The following WDFY1 variants were observed in gnomAD, a reference collection of about 807,000 sequenced individuals.
WDFY1 encodes WD repeat and FYVE domain containing 1, also known as WD repeat and FYVE domain-containing protein 1.
WDFY1 carries 32 observed loss-of-function variants against 56.4 expected under a neutral mutation model. The observed-to-expected ratio is 0.57, with a 90% CI of 0.43 to 0.76. The LOEUF is 0.76. WDFY1 is among the 30% of genes least tolerant of loss of function. The pLI, the probability that WDFY1 is intolerant of heterozygous loss-of-function variation, is 0.00. For synonymous variants in WDFY1, 192 were observed against 197.3 expected, an observed-to-expected ratio of 0.97 and a Z score of 0.23; for missense variants, 480 against 545.7, an observed-to-expected ratio of 0.88 and a Z score of 1.20.
At chr2:223,899,764 A>G (rs1215225731) in intron 5 of WDFY1, among the ~76,000 whole-genome samples, 1 of 152,184 alleles carries the variant, frequency 6.6e-6, no homozygotes, top group East Asian at 1.9e-4. Flanking sequence ...AAGAAAAAAA[A>G]AGGAAAGAAA....
At chr2:223,904,977 T>C (rs932858499) in intron 4 of WDFY1, among the ~76,000 whole-genome samples, 8 of 152,260 alleles carry the variant, frequency 5.3e-5, no homozygotes, top group South Asian at 2.1e-4. Context: ...AGCTTTGTAG[T>C]GAAAAGTGCT....
intron 1 of WDFY1, among the ~76,000 whole-genome samples, chr2:223,923,491 A>G (rs1389970172): frequency 6.6e-6 from 1 of 152,154 alleles, no homozygotes; most frequent in East Asian, 1.9e-4. Context: ...GTCTAGGATA[A>G]TATTAATAAA....
At chr2:223,928,636 T>G (rs538366730) in intron 1 of WDFY1, among the ~76,000 whole-genome samples, 3 of 152,158 alleles carry the variant, frequency 2.0e-5, no homozygotes, top group African/African-American at 7.2e-5. Flanking sequence ...TCCCTAAGAG[T>G]CTATCCTTTA....
intron 8 of WDFY1, among the ~76,000 whole-genome samples, chr2:223,889,508 TAGTG>T (rs1693230984): frequency 1.3e-5 from 2 of 152,290 alleles, no homozygotes; most frequent in African/African-American, 2.4e-5. Context: ...ATTCTCCTGG[TAGTG>T]AGTAAGTCTC....
At chr2:223,928,816 C>T (rs1191826519) in intron 1 of WDFY1, among the ~76,000 whole-genome samples, 1 of 152,208 alleles carries the variant, frequency 6.6e-6, no homozygotes, top group East Asian at 1.9e-4. Flanking sequence ...GAACTTGTGC[C>T]TTGGGTCAGG....
At chr2:223,887,865 C>T (rs934503445) in intron 8 of WDFY1, among the ~76,000 whole-genome samples, 1 of 152,124 alleles carries the variant, frequency 6.6e-6, no homozygotes, top group Non-Finnish European at 1.5e-5. Flanking sequence ...GTTTGATCCA[C>T]AAATTTTTAA....
intron 1 of WDFY1, among the ~76,000 whole-genome samples, chr2:223,921,820 T>A (rs1693890409): frequency 6.6e-6 from 1 of 152,086 alleles, no homozygotes; most frequent in South Asian, 2.1e-4. Context: ...AAACGATAAT[T>A]CCCATATATC....
chr2:223,939,330 G>A (rs1273016895), intron 1 of WDFY1, among the ~76,000 whole-genome samples: 2 of 152,088 alleles, frequency 1.3e-5, no homozygotes, highest in East Asian at 3.9e-4. Flanking sequence ...CCGGACTGGG[G>A]TTTCTCAATA....
intron 9 of WDFY1, among the ~76,000 whole-genome samples, chr2:223,884,149 A>C (rs1693130153): frequency 6.6e-6 from 1 of 152,156 alleles, no homozygotes; most frequent in South Asian, 2.1e-4. Flanking sequence ...AAAAATTTAA[A>C]AAACAGTACT....
intron 1 of WDFY1, among the ~76,000 whole-genome samples, chr2:223,929,731 G>A (rs563711457): frequency 1.1e-4 from 17 of 152,184 alleles, no homozygotes; most frequent in East Asian, 9.6e-4. Flanking sequence ...GATGACAGGC[G>A]CTTCTGCCTT....
Position 223,920,635 on chromosome 2 carries a change from A to C in WDFY1, c.138-2625T>G, listed in dbSNP as rs145573502. Among the ~76,000 whole-genome samples the C allele has an allele frequency of 2.8e-3, 422 of 152,296 alleles. 3 individuals are homozygous for C. The highest frequency in any genetic ancestry group is 9.8e-3 in the African/African-American group (409 of 41,572). On this transcript the variant is annotated intron_variant, in intron 1 of 11. Coordinates refer to ENST00000233055, the MANE Select transcript of WDFY1 (RefSeq NM_020830.5). Reference sequence around the variant, plus strand: ...GTGTGTGAACACGCCGGCTGTGGGAAACCTTGCAGGAAACCTTGCAATAAA... The same window carrying C: ...GTGTGTGAACACGCCGGCTGTGGGACACCTTGCAGGAAACCTTGCAATAAA...
intron 8 of WDFY1, among the ~76,000 whole-genome samples, chr2:223,894,001 C>A (rs1441213193): frequency 6.6e-6 from 1 of 152,200 alleles, no homozygotes; most frequent in African/African-American, 2.4e-5. Context: ...TGAGAACCAG[C>A]CTAAACGCTG....
At chr2:223,896,168 A>AAAAAAAAAAC (rs1693370449) in intron 6 of WDFY1, among the ~76,000 whole-genome samples, 1 of 146,280 alleles carries the variant, frequency 6.8e-6, no homozygotes, top group Admixed American at 6.7e-5. Context: ...AAAAAAAAAA[A>AAAAAAAAAAC]AAAAAAAAAA....
At chr2:223,905,798 A>G (rs1693589385) in intron 4 of WDFY1, 149 bp downstream of exon 4, 2 of 491,734 alleles carry the variant, frequency 4.1e-6, no homozygotes, top group African/African-American at 2.0e-5. Context: ...AAAAGCTGAA[A>G]TATCACTAAA....
intron 3 of WDFY1, among the ~76,000 whole-genome samples, chr2:223,908,572 T>G (rs1034071355): frequency 2.0e-5 from 3 of 152,192 alleles, no homozygotes; most frequent in Admixed American, 2.0e-4. Flanking sequence ...CTCCCAGTCC[T>G]CTGGCTTTTC....
chr2:223,898,999 T>G lies in WDFY1; in HGVS notation c.557A>C (p.Gln186Pro), dbSNP rs1693451776. 1 of 1,614,046 alleles carries G rather than the reference T, an allele frequency of 6.2e-7. No individual in the cohort carries two copies. Among genetic ancestry groups the G allele is most frequent in the Admixed American group, 1.7e-5 (1 of 60,008 alleles). ...SGQITLLKLE[Q>P]NTCSVITTLK... ...GGTTGTGATGACTGAACACGTGTTCTGTTCAAGCTTCAGCAGGGTGATCTG... is the reference window on the plus strand; with the variant it reads ...GGTTGTGATGACTGAACACGTGTTCGGTTCAAGCTTCAGCAGGGTGATCTG... The change falls in exon 6 of 12, where the codon CAG becomes CCG. Residue 186 changes from glutamine (Q) to proline (P), a missense_variant. By Grantham distance (76) the Gln-to-Pro change is moderately conservative (BLOSUM62 -1). Transcript: ENST00000233055.
chr2:223,898,895 A>G lies in WDFY1; in HGVS notation c.598+63T>C, dbSNP rs928229050. 1.5e-5 allele frequency: 18 copies of G among 1,222,082 alleles called. 1 individual carries two copies. Among genetic ancestry groups the G allele is most frequent in the Middle Eastern group, 3.8e-4 (2 of 5,302 alleles). 75.7% of individuals were successfully genotyped at this position (1,222,082 alleles called of 1,614,324 possible). A position where few individuals can be genotyped will look rare whatever the true frequency, so the allele number is the denominator to read the frequency against. ...CACAGCATTCATGAATCCACATAGTAGAGAACTGAATTTGGATGTCCAAGT... is the reference window on the plus strand; with the variant it reads ...CACAGCATTCATGAATCCACATAGTGGAGAACTGAATTTGGATGTCCAAGT... On this transcript the variant is annotated intron_variant, in intron 6 of 11. Coordinates refer to ENST00000233055, the MANE Select transcript of WDFY1 (RefSeq NM_020830.5).
chr2:223,925,294 T>C (rs1275912450), intron 1 of WDFY1, among the ~76,000 whole-genome samples: 1 of 151,478 alleles, frequency 6.6e-6, no homozygotes, highest in Non-Finnish European at 1.5e-5. Context: ...ATAAAGCAAA[T>C]GTCGCAACAA....
chr2:223,901,277 T>C lies in WDFY1; in HGVS notation c.391A>G (p.Ser131Gly). 1.2e-6 allele frequency: 2 copies of C among 1,614,150 alleles called. No homozygotes were observed. The highest frequency in any genetic ancestry group is 1.1e-5 in the South Asian group (1 of 91,082). ...IFSLATEWVI[S>G]TGHDKCVSWM... ...CTCACACACTTGTCGTGGCCGGTAC[T>C]GATCACCCACTCTGTGGCCAAGCTG... The change falls in exon 5 of 12, where the codon AGT becomes GGT. Residue 131 changes from serine to glycine, a missense_variant. Ser to Gly is a moderately conservative substitution (Grantham distance 56). Coordinates refer to ENST00000233055, the MANE Select transcript of WDFY1 (RefSeq NM_020830.5).
Sources: gnomAD v4.1 joint callset for allele counts (sites outside exome capture counted in the v4.1 genomes callset) on GRCh38, gnomAD v4.1.1 for gene constraint, MANE v1.5 for transcripts, NCBI Gene and HGNC (gene_info 2026-07-23, HGNC 2026-07-21) for gene names.